Variants in CCN5 observed in about 807,000 individuals in gnomAD.
The protein encoded by CCN5 is CCN family member 5.
CCN5 carries 17 observed loss-of-function variants against 18.7 expected under a neutral mutation model. The ratio of observed to expected loss-of-function variants is 0.91; its 90% CI spans 0.62 to 1.36. CCN5 has a LOEUF of 1.36. Among genes scored for constraint, CCN5 ranks in the 40% most tolerant of loss-of-function variants. The pLI, the probability that CCN5 is intolerant of heterozygous loss-of-function variation, is 0.00. For missense variants in CCN5, 367 were observed against 342.9 expected (o/e 1.07, Z -0.56); for synonymous variants, 135 against 145.2 (o/e 0.93, Z 0.50).
intron 1 of CCN5, among the ~76,000 whole-genome samples, chr20:44,719,447 G>T (rs550439077): frequency 1.3e-5 from 2 of 152,294 alleles, no homozygotes; most frequent in East Asian, 3.9e-4. Flanking sequence ...CTGAGCTCAG[G>T]ATTTCAAGAC....
In CCN5 at chr20:44,724,723, G is replaced by C. The variant is rs760634363; in HGVS notation, c.278-15G>C. 2.5e-6 allele frequency: 4 copies of C among 1,612,286 alleles called. No individual in the cohort carries two copies. The highest frequency in any genetic ancestry group is 3.4e-6 in the Non-Finnish European group (4 of 1,179,624). On this transcript the variant is annotated splice_polypyrimidine_tract_variant and intron_variant, in intron 2 of 3. Coordinates refer to ENST00000190983, the MANE Select transcript of CCN5 (RefSeq NM_003881.4). ...TTTGCGGGTCACCGATGGGGGTGCG[G>C]TTTTTCCTCCGCAGTGGCAGAGGAC... is the stretch of plus-strand genomic sequence containing the variant.
At chr20:44,716,424 G>A (rs927486370) in intron 1 of CCN5, among the ~76,000 whole-genome samples, 18 of 152,186 alleles carry the variant, frequency 1.2e-4, no homozygotes, top group African/African-American at 2.9e-4. Context: ...CCAAGTCTTC[G>A]TGCCTGGGAA....
intron 3 of CCN5, 30 bp from the exon 4 acceptor site, chr20:44,727,057 C>T (rs1324401828): frequency 2.1e-5 from 32 of 1,501,764 alleles, no homozygotes; most frequent in African/African-American, 2.8e-5. Flanking sequence ...CCTGGCTGCT[C>T]AGTGCTAACT....
upstream of CCN5, chr20:44,715,080 T>TCA (rs1164261881): frequency 1.1e-3 from 316 of 297,296 alleles, no homozygotes; most frequent in South Asian, 1.6e-3. Flanking sequence ...GCTCAGGCTT[T>TCA]CACACACACA....
chr20:44,715,626 C>T lies in CCN5; in HGVS notation c.60+176C>T, dbSNP rs533411744. ...TCTCCCTGGAACTCAGAGCTGCCTC[C>T]GGCCAGCCCTGCTGTGTGACCTCAG... On this transcript the variant is annotated intron_variant, in intron 1 of 3. Coordinates refer to ENST00000190983, the MANE Select transcript of CCN5 (RefSeq NM_003881.4). Among the ~76,000 whole-genome samples, 16 of 152,310 alleles carry T rather than the reference C, an allele frequency of 1.1e-4. No individual in the cohort carries two copies. The East Asian group carries it at 1.2e-3, about 11-fold the overall frequency.
In CCN5 at chr20:44,727,487, G is replaced by C. The variant is rs1414892028; in HGVS notation, c.*180G>C. 6 of 1,421,552 alleles carry C rather than the reference G, an allele frequency of 4.2e-6. No homozygotes were observed. Among genetic ancestry groups the C allele is most frequent in the Non-Finnish European group, 5.5e-6 (6 of 1,083,394 alleles). The allele number at this position is 1,421,552 out of a possible 1,614,324, so 88.1% of individuals were successfully genotyped here. A position where few individuals can be genotyped will look rare whatever the true frequency, so the allele number is the denominator to read the frequency against. ...GCTGCCTGGTCTGTCTGGATCCCGA[G>C]GTATGGCAGAGGTGCAAGACCTAGT... On this transcript the variant is annotated 3_prime_UTR_variant, in exon 4 of 4. Coordinates refer to ENST00000190983, the MANE Select transcript of CCN5 (RefSeq NM_003881.4).
intron 3 of CCN5, among the ~76,000 whole-genome samples, 178 bp downstream of exon 3, chr20:44,725,170 G>T (rs1369036909): frequency 6.6e-6 from 1 of 151,266 alleles, no homozygotes; most frequent in African/African-American, 2.4e-5. Context: ...GGGCGCTGTG[G>T]TTCACCCTTG....
chr20:44,717,996 C>G (rs913984921), intron 1 of CCN5, among the ~76,000 whole-genome samples: 1 of 152,180 alleles, frequency 6.6e-6, no homozygotes, highest in African/African-American at 2.4e-5. Flanking sequence ...CTCTGACAAG[C>G]TCCTAGATGA....
intron 1 of CCN5, among the ~76,000 whole-genome samples, chr20:44,718,632 G>T (rs886638805): frequency 1.3e-5 from 2 of 152,172 alleles, no homozygotes; most frequent in Non-Finnish European, 2.9e-5. Context: ...TGTCTCTGGG[G>T]AGTGGGTCCC....
intron 2 of CCN5, chr20:44,724,091 G>A (rs1445440136): frequency 6.6e-6 from 1 of 152,228 alleles, no homozygotes; most frequent in Non-Finnish European, 1.5e-5. Context: ...GTGTGCTAGA[G>A]GGTACGGACA....
chr20:44,727,178 T>G lies in CCN5; in HGVS notation c.624T>G (p.Cys208Trp), dbSNP rs777300227. 3 of 1,613,840 alleles carry G rather than the reference T, an allele frequency of 1.9e-6. No individual in the cohort carries two copies. The highest frequency in any genetic ancestry group is 2.5e-6 in the Non-Finnish European group (3 of 1,180,026). ...STAWGPCSTTCGLGMATRVSN... is the reference protein window; with the variant it reads ...STAWGPCSTTWGLGMATRVSN... ...CCTGGGGACCCTGCTCGACCACCTG[T>G]GGGCTGGGCATGGCCACCCGGGTGT... The change falls in exon 4 of 4, where the codon TGT (cysteine) becomes TGG (tryptophan). Residue 208 changes from cysteine to tryptophan, a missense_variant. Cys to Trp is a radical substitution (Grantham distance 215). Transcript: ENST00000190983.
At chr20:44,715,352 G>T, upstream of CCN5, 1 of 1,574,608 alleles carries the variant, frequency 6.4e-7, no homozygotes. Flanking sequence ...AAGACTCACA[G>T]GTCCGCCTCC....
chr20:44,725,976 G>A (rs982697645), intron 3 of CCN5, among the ~76,000 whole-genome samples: 3 of 152,196 alleles, frequency 2.0e-5, no homozygotes, highest in African/African-American at 2.4e-5. Context: ...AGGTAGTCAC[G>A]TGTTATGGGT....
In CCN5 at chr20:44,727,559, G is replaced by A; in HGVS notation, c.*252G>A. ...CCTAGGAGGCTGGCCAAGGTGTCCA[G>A]GGTCCTCTAGCCCACTCCCTGCCTA... On this transcript the variant is annotated 3_prime_UTR_variant, in exon 4 of 4. Transcript: ENST00000190983. The A allele has an allele frequency of 7.4e-7, 1 of 1,353,086 alleles. No individual in the cohort carries two copies. The highest frequency in any genetic ancestry group is 9.5e-7 in the Non-Finnish European group (1 of 1,050,808). The allele number at this position is 1,353,086 out of a possible 1,614,324, so 83.8% of individuals were successfully genotyped here.
upstream of CCN5, chr20:44,715,258 TGTGAGC>T (rs878991409): frequency 0.29 from 85,426 of 297,418 alleles, 5,826 homozygotes; most frequent in South Asian, 0.33. Flanking sequence ...TGTGTGTGTG[TGTGAGC>T]GCGCGCGCGC....
At chr20:44,721,154 G>C (rs555808198) in intron 2 of CCN5, 2 of 152,150 alleles carry the variant, frequency 1.3e-5, no homozygotes, top group South Asian at 4.2e-4. Context: ...GAACGAAAGA[G>C]AGAGAGAGAG....
At chr20:44,720,575 C>G in intron 2 of CCN5, 1 of 183,028 alleles carries the variant, frequency 5.5e-6, no homozygotes, top group Non-Finnish European at 1.1e-5. Context: ...ATGGGAAGTA[C>G]TTTCAGACCT....
chr20:44,723,099 C>G (rs1033606619), intron 2 of CCN5, among the ~76,000 whole-genome samples: 3 of 152,096 alleles, frequency 2.0e-5, no homozygotes, highest in Non-Finnish European at 2.9e-5. Context: ...CATGCTTCCT[C>G]TCTGACCTCC....
intron 1 of CCN5, 63 bp downstream of exon 1, chr20:44,715,513 TA>T: frequency 6.5e-7 from 1 of 1,527,300 alleles, no homozygotes; most frequent in South Asian, 1.2e-5. Context: ...GGTGGGGATG[TA>T]AAATCGCAGC....
Sources: gnomAD v4.1 joint callset for allele counts (sites outside exome capture counted in the v4.1 genomes callset) on GRCh38, gnomAD v4.1.1 for gene constraint, MANE v1.5 for transcripts, NCBI Gene and HGNC (gene_info 2026-07-23, HGNC 2026-07-21) for gene names.